Variants in RALYL observed in about 807,000 individuals in gnomAD.
RALYL encodes the protein RNA-binding Raly-like protein.
Under a neutral mutation model 35.1 loss-of-function variants are expected in RALYL, and 29 were observed. The ratio of observed to expected loss-of-function variants is 0.83; its 90% CI spans 0.61 to 1.13. The LOEUF (loss-of-function observed/expected upper bound fraction) is 1.13, where lower values mean the gene tolerates loss of function less well. Among genes scored for constraint, RALYL ranks in the 50% most tolerant of loss-of-function variants. The probability of loss-of-function intolerance (pLI) is 0.00; values close to 1 mark genes in which losing one functional copy is unlikely to be tolerated. For missense variants in RALYL, 359 were observed against 360.4 expected (o/e 1.00, Z 0.03); for synonymous variants, 120 against 127.6 (o/e 0.94, Z 0.40).
chr8:84,399,568 C>G (rs1407600224), intron 1 of RALYL, among the ~76,000 whole-genome samples: 2 of 152,190 alleles, frequency 1.3e-5, no homozygotes, highest in Non-Finnish European at 2.9e-5. Context: ...TTTCAGCCCT[C>G]TGGTTTTTAA....
intron 2 of RALYL, among the ~76,000 whole-genome samples, chr8:84,606,645 C>T (rs190585554): frequency 6.6e-6 from 1 of 152,182 alleles, no homozygotes; most frequent in Non-Finnish European, 1.5e-5. Context: ...GCACGTAATT[C>T]AAATATGGCT....
At chr8:84,399,486 A>C (rs73302514) in intron 1 of RALYL, among the ~76,000 whole-genome samples, 4,304 of 152,288 alleles carry the variant, frequency 0.028, 197 homozygotes, top group African/African-American at 0.098. Flanking sequence ...ACAAATTGTC[A>C]ACAATTTACA....
chr8:84,484,755 A>C (rs2054427285), intron 1 of RALYL, among the ~76,000 whole-genome samples: 2 of 152,192 alleles, frequency 1.3e-5, no homozygotes, highest in East Asian at 3.8e-4. Flanking sequence ...ATTAAAATTT[A>C]ATTATCAACA....
intron 8 of RALYL, among the ~76,000 whole-genome samples, chr8:84,893,365 T>G (rs1844201432): frequency 6.6e-6 from 1 of 152,204 alleles, no homozygotes; most frequent in South Asian, 2.1e-4. Flanking sequence ...AAATACAACA[T>G]TTCAATCTCT....
chr8:84,724,235 T>C (rs1844525088), intron 2 of RALYL, among the ~76,000 whole-genome samples: 1 of 151,844 alleles, frequency 6.6e-6, no homozygotes, highest in South Asian at 2.1e-4. Flanking sequence ...TGAAACCTCT[T>C]TGAATTAATG....
intron 1 of RALYL, among the ~76,000 whole-genome samples, chr8:84,365,896 G>C (rs1854155090): frequency 6.6e-6 from 1 of 152,150 alleles, no homozygotes; most frequent in Non-Finnish European, 1.5e-5. Flanking sequence ...TAGTAGCTAG[G>C]AGGTCCCTGC....
At chr8:84,719,602 A>G (rs1388923317) in intron 2 of RALYL, among the ~76,000 whole-genome samples, 3 of 152,156 alleles carry the variant, frequency 2.0e-5, no homozygotes, top group Non-Finnish European at 2.9e-5. Flanking sequence ...TGTTGTACTA[A>G]TTATTAAGCA....
intron 8 of RALYL, among the ~76,000 whole-genome samples, chr8:84,901,857 A>T (rs1172327765): frequency 1.3e-5 from 2 of 152,106 alleles, no homozygotes; most frequent in Non-Finnish European, 2.9e-5. Context: ...GTTAGTCATG[A>T]ATGAGGGCAA....
intron 1 of RALYL, among the ~76,000 whole-genome samples, chr8:84,220,628 C>A (rs555649954): frequency 3.3e-5 from 5 of 152,068 alleles, no homozygotes; most frequent in Admixed American, 6.6e-5. Flanking sequence ...CATATAATAA[C>A]CATTTGAAAC....
At chr8:84,236,091 T>C (rs1826487149) in intron 1 of RALYL, among the ~76,000 whole-genome samples, 1 of 152,158 alleles carries the variant, frequency 6.6e-6, no homozygotes, top group Admixed American at 6.5e-5. Context: ...CGTGGCTGTG[T>C]TTCATTTTTA....
At chr8:84,419,807 G>C (rs1317611344) in intron 1 of RALYL, among the ~76,000 whole-genome samples, 3 of 149,060 alleles carry the variant, frequency 2.0e-5, no homozygotes, top group Non-Finnish European at 3.0e-5. Flanking sequence ...TTTGTTTTTT[G>C]TTCTTGCGAT....
At chr8:84,433,750 A>T (rs1205986857) in intron 1 of RALYL, among the ~76,000 whole-genome samples, 1 of 151,176 alleles carries the variant, frequency 6.6e-6, no homozygotes, top group East Asian at 1.9e-4. Flanking sequence ...TTTTCTTCCC[A>T]GTTTGGGGTA....
chr8:84,544,359 T>C (rs190383846), intron 2 of RALYL, among the ~76,000 whole-genome samples: 13 of 152,138 alleles, frequency 8.5e-5, no homozygotes, highest in African/African-American at 3.1e-4. Context: ...TCTAATCTAT[T>C]TTTCTATCTA....
At chr8:84,282,723 T>C (rs1292542702) in intron 1 of RALYL, among the ~76,000 whole-genome samples, 1 of 139,976 alleles carries the variant, frequency 7.1e-6, no homozygotes, top group Non-Finnish European at 1.5e-5. Flanking sequence ...TGTGTGTATA[T>C]ATATGTATCT....
At position 84,897,518 on chromosome 8, in the gene RALYL, T is replaced by C. The variant is rs192965628; in HGVS notation, c.858+9742T>C. Among the ~76,000 whole-genome samples, 30 of 152,318 alleles carry C rather than the reference T, an allele frequency of 2.0e-4. 1 individual carries two copies. In the East Asian group the frequency reaches 3.7e-3, roughly 19 times the overall value. ...AATTTATTTTTAAATTCCATTCTTA[T>C]GGCTTTCTTTTTTTTAATAAAGATA... On this transcript the variant is annotated intron_variant, in intron 8 of 8. Coordinates refer to ENST00000521268, the MANE Select transcript of RALYL (RefSeq NM_173848.7).
At chr8:84,183,222 G>A, upstream of RALYL, 1 of 137,644 alleles carries the variant, frequency 7.3e-6, no homozygotes, top group Non-Finnish European at 1.6e-5. Flanking sequence ...TCTTGCGTGT[G>A]CGTGTGCGTG....
chr8:84,879,595 T>C (rs1488714234), intron 7 of RALYL, among the ~76,000 whole-genome samples: 1 of 151,946 alleles, frequency 6.6e-6, no homozygotes, highest in Non-Finnish European at 1.5e-5. Context: ...ATAAACAATA[T>C]TTAGAGATAG....
chr8:84,388,097 G>T (rs1859668611), intron 1 of RALYL, among the ~76,000 whole-genome samples: 1 of 151,852 alleles, frequency 6.6e-6, no homozygotes, highest in Non-Finnish European at 1.5e-5. Flanking sequence ...GTGGTGTTTG[G>T]TTTTTTGTTC....
chr8:84,623,753 G>A (rs1404012671), intron 2 of RALYL, among the ~76,000 whole-genome samples: 2 of 152,018 alleles, frequency 1.3e-5, no homozygotes, highest in Non-Finnish European at 2.9e-5. Context: ...ACATGATGAG[G>A]ACTATCACAA....
Sources: allele counts gnomAD v4.1 joint callset (sites outside exome capture counted in the v4.1 genomes callset), GRCh38; gene constraint gnomAD v4.1.1; transcripts MANE v1.5; gene names NCBI Gene and HGNC (gene_info 2026-07-23, HGNC 2026-07-21).